Variants in YIPF5 observed in about 807,000 individuals in gnomAD.
The protein encoded by YIPF5 is protein YIPF5.
YIPF5 carries 8 observed loss-of-function variants against 30.4 expected under a neutral mutation model. That is an observed-to-expected ratio of 0.26 (90% CI 0.15 to 0.47). The LOEUF (loss-of-function observed/expected upper bound fraction) is 0.47. Ranked by LOEUF, YIPF5 falls within the 20% of genes least tolerant of loss-of-function variation. The pLI is 0.99. For missense variants in YIPF5, 282 were observed against 301.8 expected, an observed-to-expected ratio of 0.93 and a Z score of 0.49; for synonymous variants, 104 against 107.9, an observed-to-expected ratio of 0.96 and a Z score of 0.23.
At chr5:144,169,540 C>T (rs1015578914) in intron 2 of YIPF5, among the ~76,000 whole-genome samples, 1 of 152,192 alleles carries the variant, frequency 6.6e-6, no homozygotes, top group Non-Finnish European at 1.5e-5. Flanking sequence ...CTCCTAGGTA[C>T]CTGAAGCTCC....
At chr5:144,164,682 T>G (rs1752152052) in intron 3 of YIPF5, among the ~76,000 whole-genome samples, 1 of 151,974 alleles carries the variant, frequency 6.6e-6, no homozygotes, top group South Asian at 2.1e-4. Context: ...TTACAGGCGT[T>G]GAGACATCGT....
At chr5:144,168,355 T>C (rs942659555) in intron 2 of YIPF5, among the ~76,000 whole-genome samples, 5 of 152,116 alleles carry the variant, frequency 3.3e-5, no homozygotes, top group Non-Finnish European at 4.4e-5. Context: ...CTAAATGGAA[T>C]AGCTCTGTTG....
At chr5:144,161,635 C>T (rs781764180) in intron 5 of YIPF5, among the ~76,000 whole-genome samples, 3 of 152,084 alleles carry the variant, frequency 2.0e-5, no homozygotes, top group South Asian at 2.1e-4. Flanking sequence ...CGTGAGCAAC[C>T]GTGCCTGGCC....
chr5:144,170,336 G>A (rs1402493433), intron 1 of YIPF5, 199 bp downstream of exon 1: 1 of 186,898 alleles, frequency 5.4e-6, no homozygotes, highest in Non-Finnish European at 1.1e-5. Flanking sequence ...GCAAAATAAG[G>A]CCTGCGGCCT....
At chr5:144,165,785 T>C (rs1752186112) in intron 2 of YIPF5, among the ~76,000 whole-genome samples, 181 bp from the exon 3 acceptor site, 1 of 152,248 alleles carries the variant, frequency 6.6e-6, no homozygotes, top group Non-Finnish European at 1.5e-5. Context: ...AAGCTTATTA[T>C]CTACAATAAA....
intron 1 of YIPF5, 182 bp from the exon 2 acceptor site, chr5:144,170,147 A>C (rs1862140): frequency 0.41 from 243,441 of 589,976 alleles, 52,338 homozygotes; most frequent in African/African-American, 0.61. Flanking sequence ...AAGAAAATGT[A>C]TATTCTTTTA....
At position 144,164,127 on chromosome 5, in the gene YIPF5, C is replaced by T; in HGVS notation, c.413G>A (p.Gly138Glu). The T allele has an allele frequency of 6.2e-7, 1 of 1,612,760 alleles. No individual in the cohort carries two copies. The highest frequency in any genetic ancestry group is 1.1e-5 in the South Asian group (1 of 90,584). Residue 138 changes from glycine (G) to glutamate (E), a missense_variant, in exon 4 of 6, where the codon GGA becomes GAA. Gly to Glu is a moderately conservative substitution (Grantham distance 98, BLOSUM62 -2). Transcript: ENST00000274496. ...AAATCTTACCAGTAGCAATGTGGCT[C>T]CAAAAGCAAGGCAAAAAACCATTGG... The part of the protein sequence containing the change: ...AGPMVFCLAF[G>E]ATLLLAGKIQ...
At chr5:144,169,779 C>A in intron 2 of YIPF5, 67 bp downstream of exon 2, 2 of 1,355,810 alleles carry the variant, frequency 1.5e-6, no homozygotes, top group South Asian at 2.4e-5. Flanking sequence ...TAGGCAGAAC[C>A]AAATATTCTA....
In YIPF5 at chr5:144,158,635, C is replaced by G. The variant is rs1267124384; in HGVS notation, c.*1762G>C. On this transcript the variant is annotated 3_prime_UTR_variant, in exon 6 of 6. Transcript: ENST00000274496. Reference sequence around the variant, plus strand: ...AAATGAATTGAAAAAGACAAAAATACTATCCAAGAATTACAATAAAAAATT... The same window carrying G: ...AAATGAATTGAAAAAGACAAAAATAGTATCCAAGAATTACAATAAAAAATT... 14 of 1,058,806 alleles carry G rather than the reference C, an allele frequency of 1.3e-5. No homozygotes were observed. Among genetic ancestry groups the G allele is most frequent in the Non-Finnish European group, 1.4e-5 (12 of 875,974 alleles). The allele number at this position is 1,058,806 out of a possible 1,614,324, so 65.6% of individuals were successfully genotyped here.
chr5:144,160,592 A>C, intron 5 of YIPF5, 33 bp from the exon 6 acceptor site: 1 of 1,565,436 alleles, frequency 6.4e-7, no homozygotes, highest in Non-Finnish European at 8.7e-7. Context: ...GGGGAGAAGA[A>C]AAAAAAGCAG....
intron 2 of YIPF5, among the ~76,000 whole-genome samples, chr5:144,167,846 A>G (rs1229747189): frequency 6.6e-6 from 1 of 152,228 alleles, no homozygotes; most frequent in Non-Finnish European, 1.5e-5. Context: ...GAGAGCTAAA[A>G]GTTATTAGCG....
chr5:144,160,040 T>G lies in YIPF5; in HGVS notation c.*357A>C. The G allele has an allele frequency of 2.0e-6, 2 of 995,230 alleles. No individual in the cohort carries two copies. The highest frequency in any genetic ancestry group is 2.4e-6 in the Non-Finnish European group (2 of 836,592). 61.6% of individuals were successfully genotyped at this position (995,230 alleles called of 1,614,324 possible). On this transcript the variant is annotated 3_prime_UTR_variant, in exon 6 of 6. Transcript: ENST00000274496. ...GTCTTCTTTACTGTGACTGGGTCGT[T>G]TTTAAGAAAGGTTATCAGCTTTGTG...
In YIPF5 at chr5:144,164,268, G is replaced by C; in HGVS notation, c.284-12C>G. 6.3e-7 allele frequency: 1 copy of C among 1,591,298 alleles called. No homozygotes were observed. The highest frequency in any genetic ancestry group is 8.6e-7 in the Non-Finnish European group (1 of 1,169,386). On this transcript the variant is annotated splice_polypyrimidine_tract_variant and intron_variant, in intron 3 of 5. Transcript: ENST00000274496. The stretch of plus-strand genomic sequence containing the variant: ...ATTGATACCTAACTCTAAAGAGAAA[G>C]AAAATTTAAAAGTTAATTAGGATTT...
chr5:144,166,187 T>C (rs984731450), intron 2 of YIPF5, among the ~76,000 whole-genome samples: 2 of 152,230 alleles, frequency 1.3e-5, no homozygotes, highest in Non-Finnish European at 2.9e-5. Flanking sequence ...ACTTGCTGAA[T>C]GTAACAAAAG....
rs777250933 is a variant in YIPF5, at chr5:144,165,468, C to T, written c.247G>A (p.Gly83Arg). 3 of 1,614,042 alleles carry T rather than the reference C, an allele frequency of 1.9e-6. No homozygotes were observed. The highest frequency in any genetic ancestry group is 2.2e-5 in the South Asian group (2 of 91,084). ...GGTGGCTCATCCTCAAAGTTGTTTC[C>T]ATAGAAAGGCTGAGGTGAAGCTGGA... ...YTPASPQPFY[G>R]NNFEDEPPLL... Residue 83 changes from glycine to arginine, a missense_variant, in exon 3 of 6, where the codon GGA (glycine) becomes AGA (arginine). Physicochemically the swap from Gly to Arg is moderately radical, Grantham distance 125. Coordinates refer to ENST00000274496, the MANE Select transcript of YIPF5 (RefSeq NM_030799.9).
At position 144,160,058 on chromosome 5, in the gene YIPF5, G is replaced by T. The variant is rs572012450; in HGVS notation, c.*339C>A. ...GGGTCGTTTTTAAGAAAGGTTATCAGCTTTGTGTTTGGTTTCCCACAGTTG... is the reference window on the plus strand; with the variant it reads ...GGGTCGTTTTTAAGAAAGGTTATCATCTTTGTGTTTGGTTTCCCACAGTTG... On this transcript the variant is annotated 3_prime_UTR_variant, in exon 6 of 6. Transcript: ENST00000274496. The T allele has an allele frequency of 9.0e-6, 9 of 1,005,276 alleles. No individual in the cohort carries two copies. The South Asian group carries it at 4.0e-4, about 45-fold the overall frequency. The allele number at this position is 1,005,276 out of a possible 1,614,324, so 62.3% of individuals were successfully genotyped here.
At chr5:144,170,191 G>C (rs2126765250) in intron 1 of YIPF5, 1 of 525,986 alleles carries the variant, frequency 1.9e-6, no homozygotes, top group East Asian at 3.4e-5. Context: ...CCACCTTAAA[G>C]AGCTGATATG....
In YIPF5 at chr5:144,165,544, C is replaced by T. The variant is rs770451193; in HGVS notation, c.171G>A (p.Gln57=). Residue 57 remains glutamine (Q), a synonymous_variant, in exon 3 of 6, where the codon CAG becomes CAA. Transcript: ENST00000274496. The part of the protein sequence containing the change: ...QGRFVPPDMM[Q]PQQPYTGQIY... The stretch of plus-strand genomic sequence containing the variant: ...TCTGCCCGGTGTATGGCTGTTGTGG[C>T]TGCATCATGTCTGGAGGGACAAATC... 1.2e-6 allele frequency: 2 copies of T among 1,614,134 alleles called. No individual in the cohort carries two copies. Among genetic ancestry groups the T allele is most frequent in the East Asian group, 2.2e-5 (1 of 44,864 alleles).
At position 144,159,999 on chromosome 5, in the gene YIPF5, C is replaced by T. The variant is rs1367217975; in HGVS notation, c.*398G>A. ...CTGGGATTACAGGCGTGAGCTACCA[C>T]GCCCGGCCGTCTTGTGTCTTCTTTA... On this transcript the variant is annotated 3_prime_UTR_variant, in exon 6 of 6. Transcript: ENST00000274496. 11 of 988,350 alleles carry T rather than the reference C, an allele frequency of 1.1e-5. No homozygotes were observed. The highest frequency in any genetic ancestry group is 6.1e-5 in the Admixed American group (1 of 16,462). The allele number at this position is 988,350 out of a possible 1,614,324, so 61.2% of individuals were successfully genotyped here. A position where few individuals can be genotyped will look rare whatever the true frequency, so the allele number is the denominator to read the frequency against.
Sources: allele counts gnomAD v4.1 joint callset (sites outside exome capture counted in the v4.1 genomes callset), GRCh38; gene constraint gnomAD v4.1.1; transcripts MANE v1.5; gene names NCBI Gene and HGNC (gene_info 2026-07-23, HGNC 2026-07-21).